Variants in TPCN1 observed in about 807,000 individuals in gnomAD.
The protein encoded by TPCN1 is two pore channel protein 1.
A neutral mutation model predicts 108.8 loss-of-function variants in TPCN1; 52 were observed. The ratio of observed to expected loss-of-function variants is 0.48; its 90% CI spans 0.38 to 0.60. TPCN1 has a LOEUF of 0.60. TPCN1 is among the 20% of genes least tolerant of loss of function. The pLI is 0.00. For synonymous variants in TPCN1, 446 were observed against 433.7 expected, an observed-to-expected ratio of 1.03 and a Z score of -0.35; for missense variants, 806 against 1,072.8, an observed-to-expected ratio of 0.75 and a Z score of 3.47.
chr12:113,241,736 A>T (rs1954132441), intron 2 of TPCN1, among the ~76,000 whole-genome samples: 1 of 150,930 alleles, frequency 6.6e-6, no homozygotes, highest in South Asian at 2.1e-4. Flanking sequence ...TTCACTGGGT[A>T]AACAGTGGCG....
Position 113,284,987 on chromosome 12 carries a change from A to G in TPCN1, c.1453+216A>G, listed in dbSNP as rs894463242. On this transcript the variant is annotated intron_variant, in intron 17 of 27. Coordinates refer to ENST00000335509, the MANE Select transcript of TPCN1 (RefSeq NM_017901.6). The surrounding 1 kb of genome is among the most constrained non-coding windows in gnomAD (Gnocchi z 4.1). ...AGATCCTAGGCGTGTGTGACCCTCC[A>G]CTCGGCTCTGCAGCCCTGCTGTTTG... 6.6e-6 allele frequency among the ~76,000 whole-genome samples: 1 copy of G among 151,988 alleles called. No individual in the cohort carries two copies. The highest frequency in any genetic ancestry group is 1.5e-5 in the Non-Finnish European group (1 of 67,976).
In TPCN1 at chr12:113,231,992, A is replaced by G. The variant is rs1953703243; in HGVS notation, c.112+5028A>G. 6.6e-6 allele frequency among the ~76,000 whole-genome samples: 1 copy of G among 152,072 alleles called. No individual in the cohort carries two copies. Among genetic ancestry groups the G allele is most frequent in the Admixed American group, 6.6e-5 (1 of 15,262 alleles). ...GCAGTCCAAGGAATTTCCCAGGGTA[A>G]CTCTGGTCACACTCAGCTCTGCCTT... is the stretch of plus-strand genomic sequence containing the variant. On this transcript the variant is annotated intron_variant, in intron 2 of 27. Transcript: ENST00000335509. The surrounding 1 kb of genome is among the most constrained non-coding windows in gnomAD (Gnocchi z 4.3).
chr12:113,248,158 C>T (rs946025249), intron 2 of TPCN1, among the ~76,000 whole-genome samples: 3 of 152,254 alleles, frequency 2.0e-5, no homozygotes, highest in Non-Finnish European at 4.4e-5. Context: ...GGGTGGAGCC[C>T]GCCCTCTTGC....
intron 10 of TPCN1, among the ~76,000 whole-genome samples, chr12:113,274,485 A>G (rs934170573): frequency 2.6e-5 from 4 of 152,162 alleles, no homozygotes; most frequent in African/African-American, 9.7e-5. Context: ...GTTTAGGGAT[A>G]ATGACAAGAA....
chr12:113,272,552 C>T lies in TPCN1; in HGVS notation c.749-106C>T. On this transcript the variant is annotated intron_variant, in intron 7 of 27. Coordinates refer to ENST00000335509, the MANE Select transcript of TPCN1 (RefSeq NM_017901.6). This position sits in a 1 kb window ranked among gnomAD's most constrained non-coding sequence, Gnocchi z 4.1. ...GTCCCCAGCAGTCCCTGCTGCTCTT[C>T]CTGACCTGCTGCGTTCATTTGCATG... is the stretch of plus-strand genomic sequence containing the variant. 1 of 1,054,570 alleles carries T rather than the reference C, an allele frequency of 9.5e-7. No homozygotes were observed. The highest frequency in any genetic ancestry group is 1.5e-6 in the Non-Finnish European group (1 of 671,302). The allele number at this position is 1,054,570 out of a possible 1,614,324, so 65.3% of individuals were successfully genotyped here.
At chr12:113,251,979 G>C (rs1954652291) in intron 2 of TPCN1, among the ~76,000 whole-genome samples, 1 of 152,172 alleles carries the variant, frequency 6.6e-6, no homozygotes, top group Non-Finnish European at 1.5e-5. Context: ...GTAGAGATGA[G>C]AGGGACGAGA....
At chr12:113,275,822 C>T (rs958208573) in intron 10 of TPCN1, among the ~76,000 whole-genome samples, 2 of 152,156 alleles carry the variant, frequency 1.3e-5, no homozygotes, top group African/African-American at 4.8e-5. Context: ...GTGATCCACC[C>T]GCCTCGGCCT....
intron 2 of TPCN1, among the ~76,000 whole-genome samples, chr12:113,242,716 C>A (rs1288764113): frequency 1.3e-5 from 2 of 152,208 alleles, no homozygotes; most frequent in African/African-American, 4.8e-5. Context: ...AGTCTCTGTG[C>A]TCTCTGAATG....
intron 2 of TPCN1, among the ~76,000 whole-genome samples, chr12:113,243,792 A>T (rs535832376): frequency 6.6e-6 from 1 of 150,788 alleles, no homozygotes; most frequent in South Asian, 2.1e-4. Context: ...AAATAAAAAA[A>T]GTTTAGAAAG....
chr12:113,291,982 G>A (rs2136769411), intron 25 of TPCN1, 24 bp downstream of exon 25: 1 of 1,605,944 alleles, frequency 6.2e-7, no homozygotes, highest in East Asian at 2.2e-5. Flanking sequence ...TGATGCCTTG[G>A]GCATTTGATA....
chr12:113,253,089 C>T (rs1027392049), intron 2 of TPCN1, among the ~76,000 whole-genome samples: 3 of 152,126 alleles, frequency 2.0e-5, no homozygotes, highest in African/African-American at 7.2e-5. Context: ...GTTTGGGATC[C>T]CAGCCCCTCT....
At chr12:113,240,339 G>A (rs1954062367) in intron 2 of TPCN1, among the ~76,000 whole-genome samples, 1 of 152,190 alleles carries the variant, frequency 6.6e-6, no homozygotes, top group African/African-American at 2.4e-5. Context: ...GAGGAGTGAT[G>A]GTACCTGCTG....
chr12:113,295,809 T>C (rs1024639501), intron 27 of TPCN1, 151 bp from the exon 28 acceptor site: 1 of 810,540 alleles, frequency 1.2e-6, no homozygotes, highest in African/African-American at 1.7e-5. Context: ...CCAGCATTTC[T>C]GGGCCTGTGA....
rs572289279 is a variant in TPCN1, at chr12:113,269,294, G to T, written c.659+422G>T. ...ACTCAATCTGGAAAATTCCTTGGCT[G>T]GGCTACTGTTGCTGAGAGTGGGTTT... On this transcript the variant is annotated intron_variant, in intron 6 of 27. Coordinates refer to ENST00000335509, the MANE Select transcript of TPCN1 (RefSeq NM_017901.6). This position sits in a 1 kb window ranked among gnomAD's most constrained non-coding sequence, Gnocchi z 5.0. Among the ~76,000 whole-genome samples the T allele has an allele frequency of 4.3e-4, 65 of 152,284 alleles. No homozygotes were observed. Among genetic ancestry groups the T allele is most frequent in the African/African-American group, 1.5e-3 (64 of 41,554 alleles).
chr12:113,244,410 C>T (rs987880326), intron 2 of TPCN1: 26 of 985,298 alleles, frequency 2.6e-5, no homozygotes, highest in Admixed American at 6.1e-5. Flanking sequence ...CCTTTACTAA[C>T]GTGTGTCAAT....
rs1005856538 is a variant in TPCN1, at chr12:113,268,218, C to G, written c.528+262C>G. Among the ~76,000 whole-genome samples the G allele has an allele frequency of 2.1e-4, 32 of 152,182 alleles. No individual in the cohort carries two copies. The highest frequency in any genetic ancestry group is 2.1e-3 in the Admixed American group (32 of 15,286). On this transcript the variant is annotated intron_variant, in intron 5 of 27. Transcript: ENST00000335509. The surrounding 1 kb of genome is among the most constrained non-coding windows in gnomAD (Gnocchi z 7.3). ...CCTTCGAGAGAGATGTGCTGCTCTC[C>G]GTGGTTTACATTCATCTGGAGACAT...
rs1955245986 is a variant in TPCN1 at position 113,266,012 on chromosome 12, C to A, written c.238-168C>A. ...ATCAGCAGGCAGGAGTGAGACCTGA[C>A]CACCGTGAGTTTCGCGAAGATCATT... On this transcript the variant is annotated intron_variant, in intron 3 of 27. Coordinates refer to ENST00000335509, the MANE Select transcript of TPCN1 (RefSeq NM_017901.6). The surrounding 1 kb of genome is among the most constrained non-coding windows in gnomAD (Gnocchi z 4.2). 1.3e-5 allele frequency among the ~76,000 whole-genome samples: 2 copies of A among 152,048 alleles called. No individual in the cohort carries two copies. The highest frequency in any genetic ancestry group is 1.9e-4 in the East Asian group (1 of 5,200).
chr12:113,278,258 ATAGAAGGAG>A (rs1566187514), intron 13 of TPCN1, 21 bp downstream of exon 13: 3 of 1,611,894 alleles, frequency 1.9e-6, no homozygotes, highest in Non-Finnish European at 1.7e-6. Flanking sequence ...CTCTGAGACC[ATAGAAGGAG>A]TAGACAGAGA....
intron 3 of TPCN1, among the ~76,000 whole-genome samples, chr12:113,264,702 G>T (rs555047331): frequency 1.3e-5 from 2 of 151,850 alleles, no homozygotes; most frequent in South Asian, 4.2e-4. Flanking sequence ...AAAAAAAGTT[G>T]TTACATAACA....
Sources: allele counts gnomAD v4.1 joint callset (sites outside exome capture counted in the v4.1 genomes callset), GRCh38; gene constraint gnomAD v4.1.1; non-coding constraint Gnocchi (gnomAD v3.1); transcripts MANE v1.5; gene names NCBI Gene and HGNC (gene_info 2026-07-23, HGNC 2026-07-21).